The following MACROD2 variants were observed in gnomAD, a reference collection of about 807,000 sequenced individuals.
The protein encoded by MACROD2 is ADP-ribose glycohydrolase MACROD2.
MACROD2 carries 36 observed loss-of-function variants against 70.4 expected under a neutral mutation model. The observed-to-expected ratio is 0.51, with a 90% CI of 0.39 to 0.68. The LOEUF (loss-of-function observed/expected upper bound fraction) is 0.68, where lower values mean the gene tolerates loss of function less well. MACROD2 is among the 30% of genes least tolerant of loss of function. The probability of loss-of-function intolerance (pLI) is 0.00; values close to 1 mark genes in which losing one functional copy is unlikely to be tolerated. For synonymous variants in MACROD2, 172 were observed against 178.8 expected (o/e 0.96, Z 0.30); for missense variants, 496 against 538.4 (o/e 0.92, Z 0.78).
chr20:14,354,019 G>A (rs890404575), intron 3 of MACROD2, among the ~76,000 whole-genome samples: 4 of 152,110 alleles, frequency 2.6e-5, no homozygotes, highest in Admixed American at 2.0e-4. Flanking sequence ...AGTGGTTACT[G>A]CATTCCCATC....
intron 8 of MACROD2, among the ~76,000 whole-genome samples, chr20:15,588,474 C>A (rs6079895): frequency 0.1 from 15,398 of 151,860 alleles, 885 homozygotes; most frequent in East Asian, 0.17. Context: ...AATTTCTCCT[C>A]AAAAAAAATG....
intron 13 of MACROD2, among the ~76,000 whole-genome samples, chr20:15,981,410 G>T (rs1856511): frequency 0.49 from 73,977 of 151,892 alleles, 18,272 homozygotes; most frequent in African/African-American, 0.54. Flanking sequence ...TGTTGTTGTT[G>T]TTTAGCTATG....
chr20:14,729,818 C>T lies in MACROD2; in HGVS notation c.418+44859C>T, dbSNP rs2071573293. On this transcript the variant is annotated intron_variant, in intron 5 of 17. Coordinates refer to ENST00000684519, the MANE Select transcript of MACROD2 (RefSeq NM_001351661.2). ...AAGCACTAAATGTACGAAGAAGTCACCATGATCTAGGATCCACAAAAGCAG... is the reference window on the plus strand; with the variant it reads ...AAGCACTAAATGTACGAAGAAGTCATCATGATCTAGGATCCACAAAAGCAG... 2.6e-5 allele frequency among the ~76,000 whole-genome samples: 4 copies of T among 151,722 alleles called. 1 individual carries two copies. Among genetic ancestry groups the T allele is most frequent in the Non-Finnish European group, 4.4e-5 (3 of 67,948 alleles).
At chr20:14,254,728 G>T (rs1020281248) in intron 3 of MACROD2, among the ~76,000 whole-genome samples, 2 of 152,122 alleles carry the variant, frequency 1.3e-5, no homozygotes, top group African/African-American at 4.8e-5. Context: ...TTCTAAAAAT[G>T]GAATTAAAAA....
chr20:15,180,408 G>A (rs977240647), intron 5 of MACROD2, among the ~76,000 whole-genome samples: 1 of 152,200 alleles, frequency 6.6e-6, no homozygotes, highest in Non-Finnish European at 1.5e-5. Context: ...ACAAATTGTG[G>A]TACAAAATCT....
chr20:15,608,686 G>A (rs1055200604), intron 8 of MACROD2, among the ~76,000 whole-genome samples: 1 of 152,150 alleles, frequency 6.6e-6, no homozygotes, highest in African/African-American at 2.4e-5. Flanking sequence ...TAAGCCTTTT[G>A]CATAATTGAT....
At chr20:14,914,900 A>G (rs1249999587) in intron 5 of MACROD2, among the ~76,000 whole-genome samples, 2 of 152,204 alleles carry the variant, frequency 1.3e-5, no homozygotes, top group African/African-American at 4.8e-5. Context: ...TCCTTTTCCA[A>G]TTTAACATAT....
intron 6 of MACROD2, among the ~76,000 whole-genome samples, chr20:15,403,396 TAG>T (rs147714991): frequency 3.5e-4 from 52 of 148,930 alleles, no homozygotes; most frequent in Admixed American, 4.0e-4. Context: ...GTGTGTTTGT[TAG>T]AGAGAGAGAG....
chr20:14,417,442 C>T (rs2083821557), intron 3 of MACROD2, among the ~76,000 whole-genome samples: 1 of 152,106 alleles, frequency 6.6e-6, no homozygotes, highest in African/African-American at 2.4e-5. Context: ...CAATGCTTAC[C>T]TGATCACCTA....
At chr20:15,565,075 A>G (rs1357726554) in intron 8 of MACROD2, among the ~76,000 whole-genome samples, 1 of 152,220 alleles carries the variant, frequency 6.6e-6, no homozygotes, top group Non-Finnish European at 1.5e-5. Flanking sequence ...TCAAAAATAC[A>G]GTATTTTAAA....
intron 5 of MACROD2, among the ~76,000 whole-genome samples, chr20:14,721,782 A>C (rs2071472959): frequency 6.6e-6 from 1 of 152,192 alleles, no homozygotes; most frequent in Non-Finnish European, 1.5e-5. Context: ...CAACCTCATG[A>C]ATCATTATGC....
At chr20:14,495,323 G>C (rs574995224) in intron 4 of MACROD2, among the ~76,000 whole-genome samples, 1 of 152,186 alleles carries the variant, frequency 6.6e-6, no homozygotes, top group East Asian at 1.9e-4. Context: ...ATGGCTGCTG[G>C]AGCTCTAGCC....
intron 3 of MACROD2, among the ~76,000 whole-genome samples, chr20:14,420,551 A>G (rs1008991684): frequency 2.0e-5 from 3 of 151,884 alleles, no homozygotes; most frequent in Non-Finnish European, 4.4e-5. Context: ...TCCTTTCCCC[A>G]TTTTTGAATT....
intron 8 of MACROD2, among the ~76,000 whole-genome samples, chr20:15,793,956 A>G (rs1357405018): frequency 1.3e-5 from 2 of 148,712 alleles, no homozygotes; most frequent in African/African-American, 4.9e-5. Context: ...TATTTTATAT[A>G]TAATATATTT....
At chr20:15,450,872 T>C (rs78719581) in intron 7 of MACROD2, among the ~76,000 whole-genome samples, 4,665 of 152,182 alleles carry the variant, frequency 0.031, 237 homozygotes, top group African/African-American at 0.1. Context: ...AAACCTACCA[T>C]TGTCAGTTTG....
At chr20:14,565,369 A>T (rs201161758) in intron 4 of MACROD2, among the ~76,000 whole-genome samples, 12 of 151,820 alleles carry the variant, frequency 7.9e-5, no homozygotes, top group Non-Finnish European at 1.3e-4. Flanking sequence ...ATTTTTTTTT[A>T]AAACGTAACA....
chr20:15,672,348 T>TACACACACACAC lies in MACROD2; in HGVS notation c.645+172528_645+172539dup, dbSNP rs3071295. Among the ~76,000 whole-genome samples the TACACACACACAC allele has an allele frequency of 2.8e-3, 398 of 141,948 alleles. 2 individuals are homozygous for TACACACACACAC. The highest frequency in any genetic ancestry group is 0.016 in the South Asian group (68 of 4,154). 93.1% of individuals were successfully genotyped at this position (141,948 alleles called of 152,430 possible). Reference sequence around the variant, plus strand: ...TTCATTTTCAAAATCTGTTCTATTTTACACACACACACACACACACACACA... The same window carrying TACACACACACAC: ...TTCATTTTCAAAATCTGTTCTATTTTACACACACACACACACACACACACACACACACACACA... On this transcript the variant is annotated intron_variant, in intron 8 of 17. Coordinates refer to ENST00000684519, the MANE Select transcript of MACROD2 (RefSeq NM_001351661.2).
intron 5 of MACROD2, among the ~76,000 whole-genome samples, chr20:14,890,989 T>G (rs6042968): frequency 1.4e-5 from 1 of 70,030 alleles, no homozygotes; most frequent in South Asian, 6.8e-4. Flanking sequence ...CTTCCTTCCT[T>G]CCTCCCTCCC....
rs537385569 is a variant in MACROD2 at position 15,236,725 on chromosome 20, G to A, written c.540+6664G>A. Among the ~76,000 whole-genome samples, 7 of 152,292 alleles carry A rather than the reference G, an allele frequency of 4.6e-5. No individual in the cohort carries two copies. In the East Asian group the frequency reaches 7.7e-4, roughly 17 times the overall value. On this transcript the variant is annotated intron_variant, in intron 6 of 17. Transcript: ENST00000684519. ...CTAGCTAAGCATTATGTTGACGACCGTAACTCCATGCATTCTGTGGGCTAT... is the reference window on the plus strand; with the variant it reads ...CTAGCTAAGCATTATGTTGACGACCATAACTCCATGCATTCTGTGGGCTAT...
Sources: allele counts gnomAD v4.1 joint callset (sites outside exome capture counted in the v4.1 genomes callset), GRCh38; gene constraint gnomAD v4.1.1; transcripts MANE v1.5; gene names NCBI Gene and HGNC (gene_info 2026-07-23, HGNC 2026-07-21).